Variants in IFNG-AS1 observed in about 807,000 individuals in gnomAD.
IFNG-AS1 encodes IFNG regulatory antisense RNA 1, also known as IFNG antisense RNA 1 (non-protein coding).
chr12:68,015,564 C>T (rs963770850), intron 3 of IFNG-AS1, among the ~76,000 whole-genome samples: 6 of 152,142 alleles, frequency 3.9e-5, no homozygotes, highest in Non-Finnish European at 8.8e-5. Context: ...GCATCCCAAA[C>T]AGTGCAATTT....
intron 3 of IFNG-AS1, among the ~76,000 whole-genome samples, chr12:68,006,645 A>G (rs879468012): frequency 1.3e-5 from 2 of 152,236 alleles, no homozygotes; most frequent in Admixed American, 6.5e-5. Flanking sequence ...ATCAAAAAGG[A>G]AGATTATACT....
At chr12:68,008,191 C>T (rs1430225372) in intron 3 of IFNG-AS1, among the ~76,000 whole-genome samples, 12 of 151,980 alleles carry the variant, frequency 7.9e-5, no homozygotes, top group African/African-American at 2.4e-4. Flanking sequence ...CCGAGGCAGG[C>T]GGATCATGAG....
intron 3 of IFNG-AS1, among the ~76,000 whole-genome samples, chr12:68,015,501 C>T (rs1187767110): frequency 1.3e-5 from 2 of 152,146 alleles, no homozygotes; most frequent in African/African-American, 4.8e-5. Context: ...ATATGTGCTA[C>T]TTTGAAGCCT....
At chr12:67,997,619 C>T (rs544032045) in intron 2 of IFNG-AS1, among the ~76,000 whole-genome samples, 2 of 149,384 alleles carry the variant, frequency 1.3e-5, no homozygotes, top group East Asian at 3.9e-4. Context: ...ACTCAAAATC[C>T]AGAGGCAATT....
intron 4 of IFNG-AS1, chr12:68,020,503 C>A (rs1490650261): frequency 6.6e-6 from 1 of 152,052 alleles, no homozygotes. Context: ...TGTCGCTGGA[C>A]TAAAAGTGGA....
intron 2 of IFNG-AS1, among the ~76,000 whole-genome samples, chr12:68,002,912 G>T (rs1368567565): frequency 6.6e-6 from 1 of 152,154 alleles, no homozygotes; most frequent in Non-Finnish European, 1.5e-5. Context: ...CTCTAAGTAG[G>T]TAAAAGTAAA....
At chr12:67,990,827 C>T (rs944381230) in intron 1 of IFNG-AS1, among the ~76,000 whole-genome samples, 3 of 152,018 alleles carry the variant, frequency 2.0e-5, no homozygotes, top group African/African-American at 7.2e-5. Context: ...CTCCTGACCT[C>T]GTGATCCGCC....
At chr12:67,993,524 A>G (rs1879564229) in intron 1 of IFNG-AS1, among the ~76,000 whole-genome samples, 1 of 152,218 alleles carries the variant, frequency 6.6e-6, no homozygotes, top group Non-Finnish European at 1.5e-5. Flanking sequence ...CTTTCAATCT[A>G]TTTCTCATCA....
intron 2 of IFNG-AS1, among the ~76,000 whole-genome samples, chr12:68,004,095 G>A (rs1879852347): frequency 6.6e-6 from 1 of 152,058 alleles, no homozygotes; most frequent in Non-Finnish European, 1.5e-5. Flanking sequence ...GTGGGCTTGG[G>A]TATGCACCTG....
chr12:68,012,043 A>C (rs896451453), intron 3 of IFNG-AS1, among the ~76,000 whole-genome samples: 16 of 152,120 alleles, frequency 1.1e-4, no homozygotes, highest in African/African-American at 3.9e-4. Flanking sequence ...CAGAAAGAAA[A>C]ATGAAAAAAG....
chr12:67,994,197 G>C (rs1052529474), intron 1 of IFNG-AS1, among the ~76,000 whole-genome samples: 3 of 152,252 alleles, frequency 2.0e-5, no homozygotes, highest in Admixed American at 2.0e-4. Context: ...CCTTCATACA[G>C]TGACAACAAG....
rs566411974 is a variant in IFNG-AS1, at chr12:68,012,056, C to T, written n.241+5910C>T. Among the ~76,000 whole-genome samples the T allele has an allele frequency of 1.5e-4, 23 of 152,080 alleles. No individual in the cohort carries two copies. The East Asian group carries it at 1.7e-3, about 11-fold the overall frequency. On this transcript the variant is annotated intron_variant and non_coding_transcript_variant, in intron 3 of 5. Coordinates refer to ENST00000536914, the Ensembl canonical transcript of IFNG-AS1. Reference sequence around the variant, plus strand: ...ATCAGAAAGAAAAATGAAAAAAGCCCGCCTCCTGAGCTCAGTAGTGTGGCA... The same window carrying T: ...ATCAGAAAGAAAAATGAAAAAAGCCTGCCTCCTGAGCTCAGTAGTGTGGCA...
At chr12:68,015,270 A>G (rs1356118379) in intron 3 of IFNG-AS1, among the ~76,000 whole-genome samples, 1 of 152,186 alleles carries the variant, frequency 6.6e-6, no homozygotes, top group African/African-American at 2.4e-5. Context: ...AGGCCACAGA[A>G]GGAGGGATGT....
intron 3 of IFNG-AS1, among the ~76,000 whole-genome samples, chr12:68,018,393 C>T (rs1299363810): frequency 6.6e-6 from 1 of 152,148 alleles, no homozygotes; most frequent in African/African-American, 2.4e-5. Context: ...ATCTCACAAT[C>T]TAAGCCTCTT....
chr12:68,000,318 T>C (rs1237075199), intron 2 of IFNG-AS1, among the ~76,000 whole-genome samples: 1 of 152,162 alleles, frequency 6.6e-6, no homozygotes, highest in East Asian at 1.9e-4. Context: ...CAAAACTTCA[T>C]TTTAAAAGAG....
intron 2 of IFNG-AS1, among the ~76,000 whole-genome samples, chr12:68,000,263 T>C (rs541314455): frequency 2.6e-5 from 4 of 152,238 alleles, no homozygotes; most frequent in African/African-American, 9.6e-5. Flanking sequence ...ATAAAAATAT[T>C]AAAAAGAAAG....
Position 68,010,776 on chromosome 12 carries a change from GGATAC to G in IFNG-AS1, n.241+4631_241+4635del, listed in dbSNP as rs1880008985. 3.3e-5 allele frequency among the ~76,000 whole-genome samples: 5 copies of G among 152,162 alleles called. No homozygotes were observed. In the South Asian group the frequency reaches 1.0e-3, roughly 32 times the overall value. On this transcript the variant is annotated intron_variant and non_coding_transcript_variant, in intron 3 of 5. Coordinates refer to ENST00000536914, the Ensembl canonical transcript of IFNG-AS1. ...GGAAGTGAGAGAAAAAAAATGTTTG[GGATAC>G]CCTTCATGTGCCAGGCCTCATACAA...
chr12:68,016,883 C>A (rs1880167294), intron 3 of IFNG-AS1, among the ~76,000 whole-genome samples: 1 of 152,166 alleles, frequency 6.6e-6, no homozygotes, highest in Admixed American at 6.5e-5. Context: ...CTGGGCCATG[C>A]CCTGGGCTAG....
chr12:68,005,669 A>G (rs901204392), intron 2 of IFNG-AS1, among the ~76,000 whole-genome samples: 2 of 152,168 alleles, frequency 1.3e-5, no homozygotes, highest in African/African-American at 4.8e-5. Context: ...ATAGATCATG[A>G]CCCTTGCCCT....
Sources: gnomAD v4.1 joint callset for allele counts (sites outside exome capture counted in the v4.1 genomes callset) on GRCh38, gnomAD v4.1.1 for gene constraint, MANE v1.5 for transcripts, NCBI Gene and HGNC (gene_info 2026-07-23, HGNC 2026-07-21) for gene names.